The following CEP250 variants were observed in gnomAD, a reference collection of about 807,000 sequenced individuals.
CEP250 encodes centrosome-associated protein CEP250.
Under a neutral mutation model 315.7 loss-of-function variants are expected in CEP250, and 242 were observed. That is an observed-to-expected ratio of 0.77 (90% CI 0.69 to 0.85). The LOEUF (loss-of-function observed/expected upper bound fraction) is 0.85, where lower values mean the gene tolerates loss of function less well. Among genes scored for constraint, CEP250 ranks in the 40% least tolerant of loss-of-function variants. The pLI, the probability that CEP250 is intolerant of heterozygous loss-of-function variation, is 0.00. For synonymous variants in CEP250, 1,088 were observed against 1,175.0 expected (o/e 0.93, Z 1.51); for missense variants, 2,515 against 2,886.4 (o/e 0.87, Z 2.95).
chr20:35,476,370 G>A (rs2063173652), intron 15 of CEP250, 79 bp from the exon 16 acceptor site: 1 of 1,340,528 alleles, frequency 7.5e-7, no homozygotes, highest in East Asian at 2.3e-5. Flanking sequence ...CCAAAAAGCA[G>A]CAGTGTTGGG....
At chr20:35,500,621 G>A (rs2063976263) in intron 28 of CEP250, among the ~76,000 whole-genome samples, 1 of 152,232 alleles carries the variant, frequency 6.6e-6, no homozygotes, top group Admixed American at 6.5e-5. Context: ...GGCAGCAGCA[G>A]GGAGTGCTTG....
At chr20:35,480,216 T>TA in intron 20 of CEP250, 71 bp downstream of exon 20, 1 of 1,449,130 alleles carries the variant, frequency 6.9e-7, no homozygotes, top group Non-Finnish European at 9.3e-7. Context: ...TTGGTCCAGT[T>TA]ATTGCTGCTC....
chr20:35,458,916 C>T (rs971079339), intron 2 of CEP250, among the ~76,000 whole-genome samples: 2 of 149,258 alleles, frequency 1.3e-5, no homozygotes, highest in South Asian at 4.2e-4. Context: ...TCCTGTATAC[C>T]TTGCACCCAG....
At chr20:35,472,327 G>A (rs1433770583) in intron 11 of CEP250, among the ~76,000 whole-genome samples, 176 bp downstream of exon 11, 9 of 152,200 alleles carry the variant, frequency 5.9e-5, no homozygotes, top group Non-Finnish European at 1.2e-4. Context: ...AAGCATTCAC[G>A]TTTAGCACTA....
chr20:35,513,623 A>G lies in CEP250; in HGVS notation c.*1997A>G, dbSNP rs1300366682. 6.6e-6 allele frequency: 1 copy of G among 152,138 alleles called. No individual in the cohort carries two copies. Among genetic ancestry groups the G allele is most frequent in the East Asian group, 1.9e-4 (1 of 5,190 alleles). The allele number at this position is 152,138 out of a possible 1,614,324, so 9.4% of individuals were successfully genotyped here. A position where few individuals can be genotyped will look rare whatever the true frequency, so the allele number is the denominator to read the frequency against. On this transcript the variant is annotated 3_prime_UTR_variant, in exon 35 of 35. Coordinates refer to ENST00000397527, the MANE Select transcript of CEP250 (RefSeq NM_007186.6). ...CTTCTCTTGGTTGTTCACTTGTTAC[A>G]TCCTCCAGCCCTGGTTCTCAGGCTC...
intron 34 of CEP250, 61 bp from the exon 35 acceptor site, chr20:35,511,302 G>A (rs2064348704): frequency 2.1e-6 from 3 of 1,424,892 alleles, no homozygotes; most frequent in Admixed American, 3.8e-5. Flanking sequence ...AGCAGGAAGA[G>A]CTGGGACAAC....
chr20:35,497,883 C>A lies in CEP250; in HGVS notation c.3471C>A (p.Arg1157=), dbSNP rs760312345. The stretch of plus-strand genomic sequence containing the variant: ...CAGCCCAACTACAGCTGCGACTGCG[C>A]AGCACAGAGAGCCAGCTAGAAGCGC... ...AKAAQLQLRL[R]STESQLEALA... Residue 1157 remains arginine (R), a synonymous_variant, in exon 26 of 35, where the codon CGC becomes CGA. Transcript: ENST00000397527. 27 of 1,603,894 alleles carry A rather than the reference C, an allele frequency of 1.7e-5. No homozygotes were observed. The South Asian group carries it at 3.0e-4, about 18-fold the overall frequency.
intron 13 of CEP250, 114 bp from the exon 14 acceptor site, chr20:35,473,756 A>T (rs1363721860): frequency 1.8e-6 from 2 of 1,101,994 alleles, no homozygotes; most frequent in Non-Finnish European, 2.6e-6. Context: ...AAAGTTTCGC[A>T]CTAGAAACAG....
rs2064399804 is a variant in CEP250, at chr20:35,513,596, G to T, written c.*1970G>T. 1 of 152,194 alleles carries T rather than the reference G, an allele frequency of 6.6e-6. No individual in the cohort carries two copies. The highest frequency in any genetic ancestry group is 2.4e-5 in the African/African-American group (1 of 41,452). 9.4% of individuals were successfully genotyped at this position (152,194 alleles called of 1,614,324 possible). ...TTATGCTAGGAGTTGTCAGAGACAA[G>T]ACTTCTCTTGGTTGTTCACTTGTTA... On this transcript the variant is annotated 3_prime_UTR_variant, in exon 35 of 35. Transcript: ENST00000397527.
At chr20:35,491,846 G>A (rs1432993128) in intron 22 of CEP250, among the ~76,000 whole-genome samples, 2 of 142,262 alleles carry the variant, frequency 1.4e-5, no homozygotes, top group African/African-American at 2.6e-5. Context: ...AGGTTGCAGT[G>A]AGCCGAGGTC....
chr20:35,498,065 C>G lies in CEP250; in HGVS notation c.3653C>G (p.Pro1218Arg). The G allele has an allele frequency of 6.4e-7, 1 of 1,557,450 alleles. No individual in the cohort carries two copies. The highest frequency in any genetic ancestry group is 8.7e-7 in the Non-Finnish European group (1 of 1,150,302). The stretch of plus-strand genomic sequence containing the variant: ...GCTCCTTCCGTCTGGGGCCTTGAGC[C>G]AGGTGAGACAGCCTCCCCAGAACTA... The part of the protein sequence containing the change: ...DSAPSVWGLE[P>R]DQNGARSLFK... The change falls in exon 26 of 35, where the codon CCA (proline) becomes CGA (arginine). Residue 1218 changes from proline (P) to arginine (R), a missense_variant and splice_region_variant. Physicochemically the swap from Pro to Arg is moderately radical, Grantham distance 103 (BLOSUM62 -2). Coordinates refer to ENST00000397527, the MANE Select transcript of CEP250 (RefSeq NM_007186.6).
At chr20:35,474,083 C>T (rs1278576316) in intron 14 of CEP250, 31 bp downstream of exon 14, 1 of 1,475,590 alleles carries the variant, frequency 6.8e-7, no homozygotes, top group Non-Finnish European at 9.0e-7. Context: ...CCTCGCTGGG[C>T]CCTGGTCTTT....
chr20:35,473,551 A>C lies in CEP250; in HGVS notation c.1387A>C (p.Lys463Gln). 6.2e-7 allele frequency: 1 copy of C among 1,609,604 alleles called. No individual in the cohort carries two copies. The highest frequency in any genetic ancestry group is 8.5e-7 in the Non-Finnish European group (1 of 1,177,680). The change falls in exon 13 of 35, where the codon AAG becomes CAG. Residue 463 changes from lysine (K) to glutamine (Q), a missense_variant and splice_region_variant. Transcript: ENST00000397527. Reference protein sequence around the residue: ...DLQGEVDSLSKERELLQKARE... With the variant: ...DLQGEVDSLSQERELLQKARE... The stretch of plus-strand genomic sequence containing the variant: ...CCAGGGAGAGGTGGACTCTCTCAGC[A>C]AGTGAGCAGACGGGCTGTTCATCCC...
At position 35,466,213 on chromosome 20, in the gene CEP250, A is replaced by T; in HGVS notation, c.492+9A>T. On this transcript the variant is annotated intron_variant, in intron 7 of 34. Coordinates refer to ENST00000397527, the MANE Select transcript of CEP250 (RefSeq NM_007186.6). ...GGCAGATGGAGCAGGAGGTAGGAAG[A>T]ACGGGGACTGGAACTGTGAGAGGAA... is the stretch of plus-strand genomic sequence containing the variant. The T allele has an allele frequency of 6.4e-7, 1 of 1,574,100 alleles. No individual in the cohort carries two copies. Among genetic ancestry groups the T allele is most frequent in the South Asian group, 1.1e-5 (1 of 87,524 alleles).
rs2063888491 is a variant in CEP250, at chr20:35,497,895, C to T, written c.3483C>T (p.Ser1161=). 6.2e-7 allele frequency: 1 copy of T among 1,606,792 alleles called. No homozygotes were observed. ...QLQLRLRSTE[S]QLEALAAEQQ... is the part of the protein sequence containing the mutation. ...AGCTGCGACTGCGCAGCACAGAGAG[C>T]CAGCTAGAAGCGCTGGCCGCAGAGC... The change falls in exon 26 of 35, where the codon AGC becomes AGT. Residue 1161 remains serine (S), a synonymous_variant. Transcript: ENST00000397527.
In CEP250 at chr20:35,504,250, G is replaced by A. The variant is rs767457383; in HGVS notation, c.5881G>A (p.Ala1961Thr). The A allele has an allele frequency of 6.3e-7, 1 of 1,599,378 alleles. No individual in the cohort carries two copies. Among genetic ancestry groups the A allele is most frequent in the Non-Finnish European group, 8.5e-7 (1 of 1,173,538 alleles). ...CCGGCATCAGGAGGAGGCTGCCCGG[G>A]CCCGGGCTGAGGCTCTGCAGGAGGC... is the stretch of plus-strand genomic sequence containing the variant. The part of the protein sequence containing the change: ...SSRHQEEAAR[A>T]RAEALQEALG... Residue 1961 changes from alanine to threonine, a missense_variant, in exon 30 of 35, where the codon GCC (alanine) becomes ACC (threonine). Coordinates refer to ENST00000397527, the MANE Select transcript of CEP250 (RefSeq NM_007186.6).
chr20:35,496,525 A>T, intron 24 of CEP250, 52 bp from the exon 25 acceptor site: 4 of 1,535,702 alleles, frequency 2.6e-6, no homozygotes, highest in Non-Finnish European at 3.5e-6. Context: ...TGAGAAGGTA[A>T]TTTTTCATTC....
At chr20:35,488,416 TAAGGAAGAACA>T (rs2063581935) in intron 20 of CEP250, among the ~76,000 whole-genome samples, 1 of 152,190 alleles carries the variant, frequency 6.6e-6, no homozygotes, top group African/African-American at 2.4e-5. Context: ...CCGGGTTTTA[TAAGGAAGAACA>T]AAGGAAGACC....
intron 9 of CEP250, among the ~76,000 whole-genome samples, chr20:35,468,055 C>T (rs2062935354): frequency 6.6e-6 from 1 of 151,520 alleles, no homozygotes; most frequent in Non-Finnish European, 1.5e-5. Context: ...AGTGACTCCC[C>T]TGCCTCAGCC....
Sources: allele counts gnomAD v4.1 joint callset (sites outside exome capture counted in the v4.1 genomes callset), GRCh38; gene constraint gnomAD v4.1.1; transcripts MANE v1.5; gene names NCBI Gene and HGNC (gene_info 2026-07-23, HGNC 2026-07-21).